MIPOL1: variants seen among roughly 807,000 people sequenced by gnomAD.
MIPOL1 encodes the protein mirror-image polydactyly gene 1 protein.
Under a neutral mutation model 60.9 loss-of-function variants are expected in MIPOL1, and 57 were observed. The observed-to-expected ratio is 0.94, with a 90% CI of 0.76 to 1.17. MIPOL1 has a LOEUF of 1.17. Among genes scored for constraint, MIPOL1 ranks in the 50% most tolerant of loss-of-function variants. The probability of loss-of-function intolerance (pLI) is 0.00; values close to 1 mark genes in which losing one functional copy is unlikely to be tolerated. For missense variants in MIPOL1, 551 were observed against 511.6 expected, an observed-to-expected ratio of 1.08 and a Z score of -0.74; for synonymous variants, 179 against 168.8, an observed-to-expected ratio of 1.06 and a Z score of -0.47.
At chr14:37,437,116 G>A (rs2153563444) in intron 11 of MIPOL1, among the ~76,000 whole-genome samples, 1 of 152,196 alleles carries the variant, frequency 6.6e-6, no homozygotes, top group Admixed American at 6.5e-5. Flanking sequence ...TGTACAGTAT[G>A]TCTTGTTCTC....
chr14:37,529,535 T>C (rs1014197055), intron 12 of MIPOL1, among the ~76,000 whole-genome samples: 6 of 152,192 alleles, frequency 3.9e-5, no homozygotes, highest in African/African-American at 1.4e-4. Context: ...TGTATGTATA[T>C]ATATAATGCT....
intron 11 of MIPOL1, among the ~76,000 whole-genome samples, chr14:37,436,907 A>T (rs2094171636): frequency 6.6e-6 from 1 of 152,208 alleles, no homozygotes; most frequent in African/African-American, 2.4e-5. Flanking sequence ...AGTTTAAATG[A>T]TTTACAAGTC....
intron 1 of MIPOL1, among the ~76,000 whole-genome samples, chr14:37,216,076 A>AAG (rs1567020466): frequency 6.7e-6 from 1 of 150,004 alleles, no homozygotes; most frequent in African/African-American, 2.5e-5. Flanking sequence ...AAAAAAAAAA[A>AAG]AAAGAAAGAA....
At chr14:37,311,015 C>T (rs922003695) in intron 9 of MIPOL1, among the ~76,000 whole-genome samples, 1 of 152,146 alleles carries the variant, frequency 6.6e-6, no homozygotes, top group African/African-American at 2.4e-5. Flanking sequence ...TCTCTGTCTT[C>T]CAGCAGGAGC....
intron 1 of MIPOL1, among the ~76,000 whole-genome samples, chr14:37,209,907 C>T (rs1257896168): frequency 6.6e-6 from 1 of 151,556 alleles, no homozygotes; most frequent in African/African-American, 2.4e-5. Flanking sequence ...CATGAGGTCC[C>T]CCTGTGTTGC....
At chr14:37,476,745 G>A (rs762336024) in intron 11 of MIPOL1, among the ~76,000 whole-genome samples, 31 of 151,972 alleles carry the variant, frequency 2.0e-4, no homozygotes, top group Non-Finnish European at 4.0e-4. Context: ...ATTTTTGAAT[G>A]TTAAACCAGG....
At chr14:37,388,640 G>A (rs560166203) in intron 10 of MIPOL1, among the ~76,000 whole-genome samples, 1 of 151,374 alleles carries the variant, frequency 6.6e-6, no homozygotes, top group South Asian at 2.1e-4. Context: ...TTTTTGTGCT[G>A]CCTCCCAACC....
rs144377318 is a variant in MIPOL1 at position 37,523,367 on chromosome 14, C to A, written c.1262+23229C>A. 4.6e-4 allele frequency: 157 copies of A among 338,434 alleles called. 2 individuals are homozygous for A. Among genetic ancestry groups the A allele is most frequent in the African/African-American group, 3.3e-3 (155 of 47,536 alleles). 21.0% of individuals were successfully genotyped at this position (338,434 alleles called of 1,614,324 possible). A position where few individuals can be genotyped will look rare whatever the true frequency, so the allele number is the denominator to read the frequency against. On this transcript the variant is annotated intron_variant, in intron 12 of 12. Coordinates refer to ENST00000684589, the MANE Select transcript of MIPOL1 (RefSeq NM_001388067.1). ...TGATCTAGGTGTCCTAATTAGTTAT[C>A]GTAAAGTGAAAATTTAAACACAAAT...
In MIPOL1 at chr14:37,500,108, C is replaced by A; in HGVS notation, c.1232C>A (p.Ala411Asp). The change falls in exon 12 of 13, where the codon GCC (alanine) becomes GAC (aspartate). Residue 411 changes from alanine to aspartate, a missense_variant. Physicochemically the swap from Ala to Asp is moderately radical, Grantham distance 126. Transcript: ENST00000684589. ...MELQLQHARE[A>D]SQVANEKVQK... is the part of the protein sequence containing the mutation. ...TTACAACTTCAACATGCCAGAGAGGCCTCCCAAGTGGCCAATGAAAAAGTT... is the reference window on the plus strand; with the variant it reads ...TTACAACTTCAACATGCCAGAGAGGACTCCCAAGTGGCCAATGAAAAAGTT... 3 of 1,611,446 alleles carry A rather than the reference C, an allele frequency of 1.9e-6. No homozygotes were observed. Among genetic ancestry groups the A allele is most frequent in the Admixed American group, 1.7e-5 (1 of 59,556 alleles).
chr14:37,518,711 C>A (rs1364316954), intron 12 of MIPOL1, among the ~76,000 whole-genome samples: 3 of 152,134 alleles, frequency 2.0e-5, no homozygotes, highest in African/African-American at 7.2e-5. Context: ...CATCTAGCAT[C>A]CAGATTTTAG....
At chr14:37,513,168 A>T (rs2095342260) in intron 12 of MIPOL1, among the ~76,000 whole-genome samples, 1 of 152,124 alleles carries the variant, frequency 6.6e-6, no homozygotes, top group Non-Finnish European at 1.5e-5. Context: ...CTTTTAAAGA[A>T]TTTAATATTC....
chr14:37,279,054 A>G (rs191051769), intron 6 of MIPOL1, among the ~76,000 whole-genome samples: 1 of 151,624 alleles, frequency 6.6e-6, no homozygotes, highest in East Asian at 1.9e-4. Context: ...ATTATTGTAA[A>G]CACCCAATGA....
At chr14:37,251,799 A>G (rs1974154045) in intron 3 of MIPOL1, among the ~76,000 whole-genome samples, 1 of 152,042 alleles carries the variant, frequency 6.6e-6, no homozygotes, top group Non-Finnish European at 1.5e-5. Flanking sequence ...AAGTAGTTTT[A>G]TAGCATACAA....
intron 10 of MIPOL1, among the ~76,000 whole-genome samples, chr14:37,378,500 G>T (rs1426741287): frequency 6.6e-6 from 1 of 152,004 alleles, no homozygotes; most frequent in Admixed American, 6.6e-5. Flanking sequence ...TGGTTGCTAG[G>T]AGTTAGGTTT....
intron 12 of MIPOL1, among the ~76,000 whole-genome samples, chr14:37,525,498 G>T (rs2095441219): frequency 6.6e-6 from 1 of 152,066 alleles, no homozygotes; most frequent in Admixed American, 6.5e-5. Flanking sequence ...TATTGAATTT[G>T]CTATGGCATA....
intron 1 of MIPOL1, among the ~76,000 whole-genome samples, chr14:37,230,373 A>G (rs1970435134): frequency 6.6e-6 from 1 of 152,184 alleles, no homozygotes; most frequent in Non-Finnish European, 1.5e-5. Context: ...GCTTTTGTAT[A>G]TGTCTCTAGC....
At chr14:37,430,086 C>G (rs1340695094) in intron 11 of MIPOL1, among the ~76,000 whole-genome samples, 1 of 152,108 alleles carries the variant, frequency 6.6e-6, no homozygotes, top group African/African-American at 2.4e-5. Context: ...TGTCACACCT[C>G]TGTTTTCTCT....
chr14:37,223,670 T>G (rs1969219327), intron 1 of MIPOL1, among the ~76,000 whole-genome samples: 1 of 151,938 alleles, frequency 6.6e-6, no homozygotes, highest in East Asian at 2.0e-4. Context: ...GCCCGGCTAA[T>G]TTTTTGTATT....
Position 37,433,195 on chromosome 14 carries a change from G to A in MIPOL1, c.1031+10246G>A, listed in dbSNP as rs185548123. Among the ~76,000 whole-genome samples, 26 of 152,144 alleles carry A rather than the reference G, an allele frequency of 1.7e-4. No homozygotes were observed. In the East Asian group the frequency reaches 4.8e-3, roughly 28 times the overall value. ...CCTGCCTCAGCCTCCTGAGTAGCTAGGACTACAGGCACATGCCACCATGCC... is the reference window on the plus strand; with the variant it reads ...CCTGCCTCAGCCTCCTGAGTAGCTAAGACTACAGGCACATGCCACCATGCC... On this transcript the variant is annotated intron_variant, in intron 11 of 12. Transcript: ENST00000684589.
Sources: gnomAD v4.1 joint callset for allele counts (sites outside exome capture counted in the v4.1 genomes callset) on GRCh38, gnomAD v4.1.1 for gene constraint, MANE v1.5 for transcripts, NCBI Gene and HGNC (gene_info 2026-07-23, HGNC 2026-07-21) for gene names.